The following IQCM variants were observed in gnomAD, a reference collection of about 807,000 sequenced individuals.
The protein encoded by IQCM is IQ motif containing M, also known as IQ domain-containing protein M.
A neutral mutation model predicts 57.6 loss-of-function variants in IQCM; 45 were observed. The ratio of observed to expected loss-of-function variants is 0.78; its 90% confidence interval spans 0.62 to 1.00. The LOEUF (loss-of-function observed/expected upper bound fraction) is 1.00. Among genes scored for constraint, IQCM ranks in the 50% least tolerant of loss-of-function variants. The pLI, the probability that IQCM is intolerant of heterozygous loss-of-function variation, is 0.00. For missense variants in IQCM, 468 were observed against 511.6 expected (o/e 0.91, Z 0.82); for synonymous variants, 148 against 158.9 (o/e 0.93, Z 0.51).
chr4:149,577,540 T>C (rs1380988172), intron 9 of IQCM, among the ~76,000 whole-genome samples: 2 of 152,016 alleles, frequency 1.3e-5, no homozygotes, highest in Non-Finnish European at 2.9e-5. Flanking sequence ...CAGATGGTTG[T>C]AGGTGTGCGG....
At chr4:149,781,283 A>G (rs1340821954) in intron 2 of IQCM, among the ~76,000 whole-genome samples, 1 of 152,170 alleles carries the variant, frequency 6.6e-6, no homozygotes, top group Non-Finnish European at 1.5e-5. Flanking sequence ...TATTAAACAG[A>G]TAATTCCAGA....
intron 3 of IQCM, among the ~76,000 whole-genome samples, chr4:149,740,894 G>A (rs1015614868): frequency 1.3e-5 from 2 of 152,100 alleles, no homozygotes; most frequent in Admixed American, 6.6e-5. Context: ...AAGCTGTAGA[G>A]GGGAGAAGCT....
In IQCM at chr4:149,675,819, G is replaced by C. The variant is rs537885617; in HGVS notation, c.565+6299C>G. 9.2e-5 allele frequency among the ~76,000 whole-genome samples: 14 copies of C among 152,002 alleles called. No individual in the cohort carries two copies. The East Asian group carries it at 2.7e-3, about 30-fold the overall frequency. The stretch of plus-strand genomic sequence containing the variant: ...TCTCTCCTGCCAATGACTATGTAGA[G>C]ATGTTTTTAATATCTGAGAAGCAGC... On this transcript the variant is annotated intron_variant, in intron 7 of 13. Transcript: ENST00000636793.
chr4:149,608,765 T>C (rs1448189375), intron 8 of IQCM, among the ~76,000 whole-genome samples: 1 of 151,596 alleles, frequency 6.6e-6, no homozygotes, highest in Admixed American at 6.6e-5. Context: ...CAAAGAAGCA[T>C]TGAATGAAAT....
chr4:149,368,888 A>G lies in IQCM; in HGVS notation c.1391-16822T>C, dbSNP rs1271158531. Among the ~76,000 whole-genome samples, 16 of 60,656 alleles carry G rather than the reference A, an allele frequency of 2.6e-4. 1 individual carries two copies. The highest frequency in any genetic ancestry group is 4.2e-4 in the African/African-American group (6 of 14,336). 39.8% of individuals were successfully genotyped at this position (60,656 alleles called of 152,430 possible). On this transcript the variant is annotated intron_variant, in intron 13 of 13. Coordinates refer to ENST00000636793, the MANE Select transcript of IQCM (RefSeq NM_001363507.2). ...TATACATATATACACGTGTATATAT[A>G]TGTATATATATACACGTGTATATAT...
intron 7 of IQCM, among the ~76,000 whole-genome samples, chr4:149,678,601 G>T (rs183973861): frequency 2.0e-5 from 3 of 150,720 alleles, no homozygotes; most frequent in Non-Finnish European, 4.4e-5. Context: ...AAAACCCACT[G>T]GTAAAATTAA....
chr4:149,378,251 G>A (rs1013667633), intron 13 of IQCM, among the ~76,000 whole-genome samples: 7 of 152,120 alleles, frequency 4.6e-5, no homozygotes, highest in Non-Finnish European at 7.3e-5. Flanking sequence ...AGTAGAGTGG[G>A]GAGCTGCTGA....
chr4:149,439,779 T>C (rs1042920189), intron 12 of IQCM, among the ~76,000 whole-genome samples: 2 of 152,128 alleles, frequency 1.3e-5, no homozygotes, highest in African/African-American at 4.8e-5. Context: ...TAGTTACATT[T>C]GTGAGAGTAA....
intron 2 of IQCM, among the ~76,000 whole-genome samples, chr4:149,802,823 GT>G (rs1440590659): frequency 6.6e-6 from 1 of 151,918 alleles, no homozygotes; most frequent in Non-Finnish European, 1.5e-5. Context: ...TGTGGAGCAT[GT>G]TTCTGGTAAT....
intron 13 of IQCM, among the ~76,000 whole-genome samples, chr4:149,430,634 A>C (rs1579032767): frequency 1.3e-5 from 2 of 152,058 alleles, no homozygotes; most frequent in East Asian, 3.9e-4. Flanking sequence ...TCACTCGCAT[A>C]CTTATTTTGA....
At chr4:149,390,792 T>C (rs1384530590) in intron 13 of IQCM, among the ~76,000 whole-genome samples, 3 of 151,950 alleles carry the variant, frequency 2.0e-5, no homozygotes, top group Admixed American at 6.6e-5. Context: ...TAATCTTTTT[T>C]ACAAGCCACC....
intron 9 of IQCM, among the ~76,000 whole-genome samples, chr4:149,570,646 C>G (rs968027360): frequency 2.0e-5 from 3 of 151,874 alleles, no homozygotes; most frequent in Non-Finnish European, 2.9e-5. Flanking sequence ...AATGTGACAC[C>G]AGGGGATTTA....
In IQCM at chr4:149,400,378, C is replaced by T. The variant is rs557298587; in HGVS notation, c.1390+33018G>A. Among the ~76,000 whole-genome samples, 4 of 152,024 alleles carry T rather than the reference C, an allele frequency of 2.6e-5. No homozygotes were observed. In the South Asian group the frequency reaches 8.3e-4, roughly 32 times the overall value. ...GTGGAAAATAGGGACAATGTGAGTG[C>T]CTTATGGCACCATGGAGTTATGACA... On this transcript the variant is annotated intron_variant, in intron 13 of 13. Transcript: ENST00000636793.
At chr4:149,738,536 G>A (rs139112823) in intron 3 of IQCM, among the ~76,000 whole-genome samples, 9 of 152,206 alleles carry the variant, frequency 5.9e-5, no homozygotes, top group African/African-American at 1.7e-4. Context: ...CTCTAGTAGC[G>A]CTAATGGCCT....
At chr4:149,664,616 G>A (rs1414689976) in intron 7 of IQCM, among the ~76,000 whole-genome samples, 1 of 152,132 alleles carries the variant, frequency 6.6e-6, no homozygotes, top group Admixed American at 6.5e-5. Flanking sequence ...AGTTTGTGAT[G>A]GCAATGCCAC....
At chr4:149,586,414 T>C (rs1411209715) in intron 9 of IQCM, among the ~76,000 whole-genome samples, 3 of 151,656 alleles carry the variant, frequency 2.0e-5, no homozygotes, top group Non-Finnish European at 3.0e-5. Flanking sequence ...TATTATTTTA[T>C]TATTATTCTA....
At chr4:149,504,349 T>A (rs2149796910) in intron 12 of IQCM, among the ~76,000 whole-genome samples, 1 of 152,308 alleles carries the variant, frequency 6.6e-6, no homozygotes, top group Admixed American at 6.5e-5. Context: ...AGACAAATCA[T>A]CCATTTATTC....
chr4:149,536,262 C>T (rs1293628170), intron 12 of IQCM, among the ~76,000 whole-genome samples: 2 of 151,946 alleles, frequency 1.3e-5, no homozygotes, highest in South Asian at 4.1e-4. Flanking sequence ...AATAGAATCC[C>T]ATGGGGAAAA....
intron 13 of IQCM, among the ~76,000 whole-genome samples, chr4:149,391,649 A>C (rs1346473395): frequency 6.6e-6 from 1 of 151,918 alleles, no homozygotes; most frequent in Non-Finnish European, 1.5e-5. Flanking sequence ...TCCTCTAAGC[A>C]CTGCTTTAAG....
Sources: allele counts gnomAD v4.1 joint callset (sites outside exome capture counted in the v4.1 genomes callset), GRCh38; gene constraint gnomAD v4.1.1; transcripts MANE v1.5; gene names NCBI Gene and HGNC (gene_info 2026-07-23, HGNC 2026-07-21).